The following KHDRBS2 variants were observed in gnomAD, a reference collection of about 807,000 sequenced individuals.
KHDRBS2 encodes KH RNA binding domain containing, signal transduction associated 2, also known as KH domain-containing, RNA-binding, signal transduction-associated protein 2.
In KHDRBS2, 26 loss-of-function variants were observed where a neutral mutation model predicts 44.3. The observed-to-expected ratio is 0.59, with a 90% CI of 0.43 to 0.81. The LOEUF (loss-of-function observed/expected upper bound fraction) is 0.81, where lower values mean the gene tolerates loss of function less well. Ranked by LOEUF, KHDRBS2 falls within the 40% of genes least tolerant of loss-of-function variation. The probability of loss-of-function intolerance (pLI) is 0.00; values close to 1 mark genes in which losing one functional copy is unlikely to be tolerated. For synonymous variants in KHDRBS2, 194 were observed against 151.1 expected, an observed-to-expected ratio of 1.28 and a Z score of -2.08; for missense variants, 476 against 433.1, an observed-to-expected ratio of 1.10 and a Z score of -0.88.
intron 2 of KHDRBS2, among the ~76,000 whole-genome samples, chr6:62,068,685 T>A (rs568431276): frequency 1.1e-4 from 17 of 151,750 alleles, no homozygotes; most frequent in African/African-American, 4.1e-4. Context: ...TGGTGTGAGG[T>A]AGTGCTCCAA....
chr6:61,722,713 C>A (rs928537759), intron 7 of KHDRBS2, among the ~76,000 whole-genome samples: 1 of 132,544 alleles, frequency 7.5e-6, no homozygotes, highest in African/African-American at 2.6e-5. Flanking sequence ...TTATATATTT[C>A]TATTTTTTTT....
chr6:61,996,404 C>A (rs1777173336), intron 3 of KHDRBS2, among the ~76,000 whole-genome samples: 1 of 152,208 alleles, frequency 6.6e-6, no homozygotes, highest in South Asian at 2.1e-4. Flanking sequence ...AAATCTCTCT[C>A]TATCCAATTT....
the KHDRBS2 span, among the ~76,000 whole-genome samples, chr6:61,596,253 A>G: frequency 5.3e-5 from 8 of 152,216 alleles, no homozygotes; most frequent in Non-Finnish European, 1.2e-4. Flanking sequence ...ATATAAAAAA[A>G]TTACAGAGGC....
chr6:61,753,195 C>T (rs564414377), intron 6 of KHDRBS2, among the ~76,000 whole-genome samples: 1 of 152,134 alleles, frequency 6.6e-6, no homozygotes, highest in Non-Finnish European at 1.5e-5. Context: ...TCCTCATTCT[C>T]CATGTATCAT....
intron 4 of KHDRBS2, among the ~76,000 whole-genome samples, chr6:61,943,014 G>A (rs1243385520): frequency 1.3e-4 from 18 of 141,954 alleles, no homozygotes; most frequent in Admixed American, 2.3e-4. Context: ...AAGAGAGAGA[G>A]AGAGAAAGGA....
At chr6:62,183,140 T>G (rs970124459) in intron 1 of KHDRBS2, among the ~76,000 whole-genome samples, 3 of 151,832 alleles carry the variant, frequency 2.0e-5, no homozygotes, top group Admixed American at 2.0e-4. Context: ...TGTGTCTGTA[T>G]TTTGATGCTT....
intron 2 of KHDRBS2, among the ~76,000 whole-genome samples, chr6:62,062,819 A>C (rs1792338740): frequency 6.7e-6 from 1 of 148,678 alleles, no homozygotes; most frequent in African/African-American, 2.5e-5. Flanking sequence ...AAAACCCTTC[A>C]AAAAATCAAT....
chr6:61,800,375 A>G (rs1345736797), intron 6 of KHDRBS2, among the ~76,000 whole-genome samples: 2 of 152,088 alleles, frequency 1.3e-5, no homozygotes, highest in Non-Finnish European at 2.9e-5. Flanking sequence ...AGCTTTAGTG[A>G]GGTGATCATA....
intron 4 of KHDRBS2, among the ~76,000 whole-genome samples, chr6:61,905,854 C>CCT (rs1804893469): frequency 8.8e-6 from 1 of 114,176 alleles, no homozygotes; most frequent in Non-Finnish European, 1.7e-5. Context: ...CAAAACTTTT[C>CCT]TTTTTTTTTT....
chr6:61,929,488 C>A lies in KHDRBS2; in HGVS notation c.484-28117G>T, dbSNP rs914960170. ...ATGTAATGTGAGTCTGCCCAAAGGCCGTTCCACCACCTGTATACCTGTTAT... is the reference window on the plus strand; with the variant it reads ...ATGTAATGTGAGTCTGCCCAAAGGCAGTTCCACCACCTGTATACCTGTTAT... On this transcript the variant is annotated intron_variant, in intron 4 of 8. Transcript: ENST00000281156. Among the ~76,000 whole-genome samples, 10 of 152,218 alleles carry A rather than the reference C, an allele frequency of 6.6e-5. No homozygotes were observed. In the East Asian group the frequency reaches 1.9e-3, roughly 29 times the overall value.
At chr6:62,080,775 A>C (rs771398383) in intron 2 of KHDRBS2, among the ~76,000 whole-genome samples, 4 of 152,106 alleles carry the variant, frequency 2.6e-5, no homozygotes, top group Admixed American at 6.6e-5. Context: ...AGCTTGGCCA[A>C]CTGGAGACAA....
intron 6 of KHDRBS2, among the ~76,000 whole-genome samples, chr6:61,878,807 A>G (rs1164914855): frequency 2.0e-5 from 3 of 152,022 alleles, no homozygotes; most frequent in Non-Finnish European, 4.4e-5. Flanking sequence ...TGGCTAGGCA[A>G]CTTTGAGCAT....
At chr6:61,764,049 C>G (rs1478547493) in intron 6 of KHDRBS2, among the ~76,000 whole-genome samples, 4 of 151,984 alleles carry the variant, frequency 2.6e-5, no homozygotes, top group African/African-American at 9.7e-5. Context: ...TCTCATTGTT[C>G]AGTTCCCACT....
chr6:61,880,403 G>A (rs1800036433), intron 6 of KHDRBS2, among the ~76,000 whole-genome samples: 1 of 151,856 alleles, frequency 6.6e-6, no homozygotes, highest in Non-Finnish European at 1.5e-5. Context: ...AATATCTGCT[G>A]CCTAAGTGAC....
chr6:61,629,260 G>A, the KHDRBS2 span, among the ~76,000 whole-genome samples: 4 of 152,084 alleles, frequency 2.6e-5, no homozygotes, highest in Non-Finnish European at 4.4e-5. Flanking sequence ...AAGCAAAATT[G>A]CACCTTTAAG....
intron 6 of KHDRBS2, among the ~76,000 whole-genome samples, chr6:61,773,154 C>G (rs1281549426): frequency 2.0e-5 from 3 of 151,676 alleles, no homozygotes; most frequent in Non-Finnish European, 4.4e-5. Flanking sequence ...GGGTATATAC[C>G]CAGTAATGGG....
intron 3 of KHDRBS2, among the ~76,000 whole-genome samples, chr6:62,031,576 T>C (rs1208636922): frequency 6.6e-6 from 1 of 151,964 alleles, no homozygotes; most frequent in African/African-American, 2.4e-5. Context: ...CCTTGGGCCT[T>C]AAGGAAATAT....
intron 8 of KHDRBS2, among the ~76,000 whole-genome samples, chr6:61,688,211 T>C: frequency 6.6e-6 from 1 of 151,808 alleles, no homozygotes; most frequent in South Asian, 2.1e-4. Flanking sequence ...TGCTATGGAG[T>C]TAATAACTCA....
intron 4 of KHDRBS2, among the ~76,000 whole-genome samples, chr6:61,961,383 G>C (rs1768670677): frequency 6.7e-6 from 1 of 149,472 alleles, no homozygotes; most frequent in Non-Finnish European, 1.5e-5. Context: ...GGAAAGAAGG[G>C]AAGAAAGAAA....
Sources: gnomAD v4.1 joint callset for allele counts (sites outside exome capture counted in the v4.1 genomes callset) on GRCh38, gnomAD v4.1.1 for gene constraint, MANE v1.5 for transcripts, NCBI Gene and HGNC (gene_info 2026-07-23, HGNC 2026-07-21) for gene names.